Variants in TNFSF13B observed in about 807,000 individuals in gnomAD.
The protein encoded by TNFSF13B is TNF superfamily member 13b.
TNFSF13B carries 8 observed loss-of-function variants against 29.1 expected under a neutral mutation model. That is an observed-to-expected ratio of 0.27 (90% confidence interval 0.16 to 0.50). The LOEUF (loss-of-function observed/expected upper bound fraction) is 0.50. Among genes scored for constraint, TNFSF13B ranks in the 20% least tolerant of loss-of-function variants. The pLI is 0.98. For missense variants in TNFSF13B, 248 were observed against 334.9 expected, an observed-to-expected ratio of 0.74 and a Z score of 2.03; for synonymous variants, 125 against 130.8, an observed-to-expected ratio of 0.96 and a Z score of 0.30.
intron 3 of TNFSF13B, among the ~76,000 whole-genome samples, chr13:108,298,426 C>T (rs560328730): frequency 1.4e-5 from 2 of 145,270 alleles, no homozygotes; most frequent in Admixed American, 1.4e-4. Context: ...AAATAATGGC[C>T]AAACTCTTTC....
At chr13:108,291,272 G>C (rs1197659768) in intron 3 of TNFSF13B, among the ~76,000 whole-genome samples, 1 of 151,602 alleles carries the variant, frequency 6.6e-6, no homozygotes, top group East Asian at 1.9e-4. Context: ...AAAAGAAAAA[G>C]AAAAATACGT....
At chr13:108,292,706 T>C (rs1023306438) in intron 3 of TNFSF13B, among the ~76,000 whole-genome samples, 15 of 152,164 alleles carry the variant, frequency 9.9e-5, no homozygotes, top group African/African-American at 3.6e-4. Context: ...TTTCATGTCC[T>C]TTTTGGTGTC....
chr13:108,286,797 T>C lies in TNFSF13B; in HGVS notation c.425-6T>C. ...GTAACTAAAATGATAAATTTTTGCT[T>C]TTTAGTCACTCAAGACTGCTTGCAA... On this transcript the variant is annotated splice_region_variant and splice_polypyrimidine_tract_variant and intron_variant, in intron 2 of 5. Transcript: ENST00000375887. 2 of 1,554,176 alleles carry C rather than the reference T, an allele frequency of 1.3e-6. No individual in the cohort carries two copies. The highest frequency in any genetic ancestry group is 1.7e-6 in the Non-Finnish European group (2 of 1,143,392).
chr13:108,294,072 A>T (rs984158301), intron 3 of TNFSF13B, among the ~76,000 whole-genome samples: 1 of 152,070 alleles, frequency 6.6e-6, no homozygotes, highest in African/African-American at 2.4e-5. Context: ...TTTTTAGATT[A>T]TTCATTCCTG....
At chr13:108,296,257 A>C (rs1265267781) in intron 3 of TNFSF13B, among the ~76,000 whole-genome samples, 1 of 145,742 alleles carries the variant, frequency 6.9e-6, no homozygotes, top group South Asian at 2.1e-4. Flanking sequence ...ATATCTGCTT[A>C]TATCTTGAGG....
intron 3 of TNFSF13B, among the ~76,000 whole-genome samples, chr13:108,293,771 T>C (rs1160354968): frequency 6.6e-6 from 1 of 152,202 alleles, no homozygotes; most frequent in Non-Finnish European, 1.5e-5. Context: ...TTCTGGAGGC[T>C]GGAAAATTCA....
At position 108,303,247 on chromosome 13, in the gene TNFSF13B, T is replaced by C. The variant is rs1881681332; in HGVS notation, c.482-6T>C. On this transcript the variant is annotated splice_region_variant and splice_polypyrimidine_tract_variant and intron_variant, in intron 3 of 5. Transcript: ENST00000375887. ...CTTTCCTTATAAATGATTCTCTTCATTGCAGGATCTTACACATTTGTTCCA... is the reference window on the plus strand; with the variant it reads ...CTTTCCTTATAAATGATTCTCTTCACTGCAGGATCTTACACATTTGTTCCA... 5 of 1,594,190 alleles carry C rather than the reference T, an allele frequency of 3.1e-6. No homozygotes were observed. The Admixed American group carries it at 5.2e-5, about 16-fold the overall frequency.
chr13:108,306,748 A>G (rs1881786560), intron 5 of TNFSF13B, 78 bp from the exon 6 acceptor site: 3 of 875,018 alleles, frequency 3.4e-6, no homozygotes, highest in African/African-American at 3.5e-5. Flanking sequence ...TTTTTACAGA[A>G]CAAAATAGTT....
intron 2 of TNFSF13B, among the ~76,000 whole-genome samples, chr13:108,277,460 T>C (rs1216584733): frequency 6.6e-6 from 1 of 152,158 alleles, no homozygotes; most frequent in Non-Finnish European, 1.5e-5. Context: ...TTCTGTACTA[T>C]ATTCCCTTCT....
intron 2 of TNFSF13B, among the ~76,000 whole-genome samples, chr13:108,277,627 A>G (rs1385362584): frequency 6.6e-6 from 1 of 152,224 alleles, no homozygotes; most frequent in African/African-American, 2.4e-5. Context: ...TGCCGAAACC[A>G]TAGACAGAGC....
intron 2 of TNFSF13B, among the ~76,000 whole-genome samples, chr13:108,275,847 C>T (rs184537521): frequency 4.7e-4 from 72 of 152,278 alleles, no homozygotes; most frequent in African/African-American, 1.4e-3. Flanking sequence ...AGTTTTTCTA[C>T]TAATGATTTT....
chr13:108,301,720 C>T (rs958266650), intron 3 of TNFSF13B, among the ~76,000 whole-genome samples: 14 of 151,928 alleles, frequency 9.2e-5, no homozygotes, highest in Non-Finnish European at 2.1e-4. Context: ...CAAGAGATCT[C>T]GTGTACAACA....
At chr13:108,299,582 A>G (rs922593707) in intron 3 of TNFSF13B, among the ~76,000 whole-genome samples, 6 of 151,914 alleles carry the variant, frequency 3.9e-5, no homozygotes, top group Non-Finnish European at 5.9e-5. Flanking sequence ...AGATGATTTT[A>G]TCGCTAATCC....
intron 3 of TNFSF13B, among the ~76,000 whole-genome samples, chr13:108,294,599 G>A (rs1254625738): frequency 1.3e-5 from 2 of 152,002 alleles, no homozygotes; most frequent in Admixed American, 6.6e-5. Flanking sequence ...GTAAATGCAG[G>A]CATAGTCTTG....
rs373978296 is a variant in TNFSF13B at position 108,303,292 on chromosome 13, G to A, written c.521G>A (p.Arg174Lys). 8 of 1,613,242 alleles carry A rather than the reference G, an allele frequency of 5.0e-6. No individual in the cohort carries two copies. In the African/African-American group the frequency reaches 5.3e-5, roughly 11 times the overall value. ...GTTCCATGGCTTCTCAGCTTTAAAA[G>A]GGGAAGTGCCCTAGAAGAAAAAGAG... Reference protein sequence around the residue: ...TFVPWLLSFKRGSALEEKENK... With the variant: ...TFVPWLLSFKKGSALEEKENK... The change falls in exon 4 of 6, where the codon AGG becomes AAG. Residue 174 changes from arginine (R) to lysine (K), a missense_variant. Physicochemically the swap from Arg to Lys is conservative, Grantham distance 26 (BLOSUM62 2). This residue lies in a region of TNFSF13B where 62 missense variants were observed against 138.6 expected (regional missense o/e 0.45). Coordinates refer to ENST00000375887, the MANE Select transcript of TNFSF13B (RefSeq NM_006573.5).
intron 3 of TNFSF13B, among the ~76,000 whole-genome samples, chr13:108,294,278 C>T (rs1225793309): frequency 6.6e-6 from 1 of 151,166 alleles, no homozygotes; most frequent in Non-Finnish European, 1.5e-5. Flanking sequence ...CTCCTGGGTT[C>T]AAGTGATTCT....
intron 5 of TNFSF13B, among the ~76,000 whole-genome samples, chr13:108,305,222 C>T (rs1214886036): frequency 2.0e-5 from 3 of 151,962 alleles, no homozygotes; most frequent in African/African-American, 7.3e-5. Context: ...TTATTTAAAG[C>T]CATTTAAAAC....
At chr13:108,271,638 T>A (rs1448958886) in intron 2 of TNFSF13B, among the ~76,000 whole-genome samples, 2 of 152,324 alleles carry the variant, frequency 1.3e-5, no homozygotes, top group East Asian at 1.9e-4. Context: ...TAAACATTTT[T>A]AAATTAGGAA....
chr13:108,289,236 A>T (rs941136455), intron 3 of TNFSF13B, among the ~76,000 whole-genome samples: 2 of 151,900 alleles, frequency 1.3e-5, no homozygotes, highest in Non-Finnish European at 2.9e-5. Flanking sequence ...TGAACTGGAG[A>T]GTATGCTGTG....
Sources: gnomAD v4.1 joint callset for allele counts (sites outside exome capture counted in the v4.1 genomes callset) on GRCh38, gnomAD v4.1.1 for gene constraint, gnomAD v4.1.1 regional missense constraint, MANE v1.5 for transcripts, NCBI Gene and HGNC (gene_info 2026-07-23, HGNC 2026-07-21) for gene names.